The following TMEM185A variants were observed in gnomAD, a reference collection of about 807,000 sequenced individuals.
The protein encoded by TMEM185A is family with sequence similarity 11, member A.
TMEM185A carries 9 observed loss-of-function variants against 25.0 expected under a neutral mutation model. That is an observed-to-expected ratio of 0.36 (90% CI 0.22 to 0.63). TMEM185A has a LOEUF of 0.63. TMEM185A is among the 20% of genes least tolerant of loss of function. The probability of loss-of-function intolerance (pLI) is 0.68; values close to 1 mark genes in which losing one functional copy is unlikely to be tolerated. For missense variants in TMEM185A, 103 were observed against 237.4 expected, an observed-to-expected ratio of 0.43 and a Z score of 3.72; for synonymous variants, 45 against 93.5, an observed-to-expected ratio of 0.48 and a Z score of 2.99.
chrX:149,605,617 A>C (rs1196784838), intron 3 of TMEM185A, among the ~76,000 whole-genome samples: 1 of 111,455 alleles, frequency 9.0e-6, no homozygotes, highest in African/African-American at 3.3e-5. Flanking sequence ...CTCATTTCTC[A>C]AGCCATGAGC....
At chrX:149,603,386 C>T (rs1220792623) in intron 4 of TMEM185A, among the ~76,000 whole-genome samples, 7 of 110,597 alleles carry the variant, frequency 6.3e-5, no homozygotes, top group Non-Finnish European at 1.1e-4. Context: ...CTCGGCCTCC[C>T]AAAGTGCTGG....
At chrX:149,618,110 C>T (rs1461859688) in intron 1 of TMEM185A, among the ~76,000 whole-genome samples, 1 of 111,487 alleles carries the variant, frequency 9.0e-6, no homozygotes, top group African/African-American at 3.3e-5. Flanking sequence ...GAGTATTATA[C>T]TATACCGGCT....
chrX:149,631,680 G>A lies in TMEM185A; in HGVS notation c.-100C>T. On this transcript the variant is annotated 5_prime_UTR_variant, in exon 1 of 7. The change creates a new upstream start codon in the 5' untranslated region. Coordinates refer to ENST00000600449, the MANE Select transcript of TMEM185A (RefSeq NM_032508.4). ...GGTTCATGGCGCCAGCGCCAGCCGC[G>A]TCCACGCTGCTGCTCCCGCTACTGC... 1.1e-6 allele frequency: 1 copy of A among 873,050 alleles called. No individual in the cohort carries two copies. The highest frequency in any genetic ancestry group is 1.5e-6 in the Non-Finnish European group (1 of 646,145). The allele number at this position is 873,050 out of a possible 1,213,427, so 71.9% of individuals were successfully genotyped here.
intron 1 of TMEM185A, among the ~76,000 whole-genome samples, chrX:149,619,948 T>C (rs977838830): frequency 5.5e-4 from 62 of 111,804 alleles, no homozygotes; most frequent in Admixed American, 2.6e-3. Context: ...TTGTGAATAG[T>C]GCCAGTTAGA....
At chrX:149,605,408 C>A (rs2090044128) in intron 3 of TMEM185A, among the ~76,000 whole-genome samples, 1 of 99,541 alleles carries the variant, frequency 1.0e-5, no homozygotes, top group African/African-American at 3.7e-5. Context: ...TATAGCCTCC[C>A]ATGTCACTTT....
At chrX:149,631,392 G>A (rs2090191496) in intron 1 of TMEM185A, 151 bp downstream of exon 1, 2 of 607,435 alleles carry the variant, frequency 3.3e-6, no homozygotes, top group Admixed American at 1.2e-4. Context: ...TGTTTTGCCT[G>A]GGGACCGCTT....
intron 1 of TMEM185A, among the ~76,000 whole-genome samples, chrX:149,625,867 G>A (rs971842761): frequency 2.7e-5 from 3 of 112,048 alleles, no homozygotes; most frequent in African/African-American, 9.7e-5. Flanking sequence ...ATGTATAAGC[G>A]CCACTAACAG....
chrX:149,597,270 T>A lies in TMEM185A; in HGVS notation c.*741A>T, dbSNP rs1294907102. The A allele has an allele frequency of 1.3e-5, 1 of 76,824 alleles. No homozygotes were observed. Among genetic ancestry groups the A allele is most frequent in the Non-Finnish European group, 2.8e-5 (1 of 35,434 alleles). The allele number at this position is 76,824 out of a possible 1,213,427, so 6.3% of individuals were successfully genotyped here. On this transcript the variant is annotated 3_prime_UTR_variant, in exon 7 of 7. Transcript: ENST00000600449. ...GCGTCCACTTCTGCAGCAGAAGGCA[T>A]GTGCCTACAGCACAAGCTTGTAAAA...
intron 3 of TMEM185A, 24 bp downstream of exon 3, chrX:149,608,603 A>G (rs1190310536): frequency 1.7e-6 from 2 of 1,204,931 alleles, no homozygotes; most frequent in South Asian, 1.8e-5. Context: ...AGTGGAAAAC[A>G]TTCTTAAATA....
rs1190927001 is a variant in TMEM185A, at chrX:149,597,171, C to T, written c.*840G>A. The T allele has an allele frequency of 6.0e-5, 6 of 99,949 alleles. No individual in the cohort carries two copies. The highest frequency in any genetic ancestry group is 1.2e-4 in the Non-Finnish European group (6 of 49,668). 8.2% of individuals were successfully genotyped at this position (99,949 alleles called of 1,213,427 possible). A position where few individuals can be genotyped will look rare whatever the true frequency, so the allele number is the denominator to read the frequency against. On this transcript the variant is annotated 3_prime_UTR_variant, in exon 7 of 7. Transcript: ENST00000600449. ...CAGTAGCAGCTACTACGTACCTGCA[C>T]GAGTTCCAGGGCAGAAGTGGCAATG...
In TMEM185A at chrX:149,596,754, G is replaced by A. The variant is rs1231021241; in HGVS notation, c.*1257C>T. On this transcript the variant is annotated 3_prime_UTR_variant, in exon 7 of 7. Transcript: ENST00000600449. The stretch of plus-strand genomic sequence containing the variant: ...TTGAATTAACCCCATGTAGGCCGGC[G>A]AGCAGTTGCCCGCGTGAAAACACCA... 8.8e-6 allele frequency: 1 copy of A among 113,433 alleles called. No individual in the cohort carries two copies. Among genetic ancestry groups the A allele is most frequent in the Non-Finnish European group, 1.9e-5 (1 of 53,386 alleles). 9.3% of individuals were successfully genotyped at this position (113,433 alleles called of 1,213,427 possible). A position where few individuals can be genotyped will look rare whatever the true frequency, so the allele number is the denominator to read the frequency against.
chrX:149,603,250 T>A (rs1382679301), intron 4 of TMEM185A, among the ~76,000 whole-genome samples: 1 of 111,505 alleles, frequency 9.0e-6, no homozygotes, highest in African/African-American at 3.3e-5. Context: ...TTTAGAAGCA[T>A]GACATAGATG....
intron 1 of TMEM185A, among the ~76,000 whole-genome samples, chrX:149,616,657 G>A (rs1388727783): frequency 8.9e-6 from 1 of 112,013 alleles, no homozygotes; most frequent in Non-Finnish European, 1.9e-5. Flanking sequence ...TTCCATGGAA[G>A]TGGGTATCTT....
At chrX:149,617,875 A>T (rs1431844792) in intron 1 of TMEM185A, among the ~76,000 whole-genome samples, 1 of 112,178 alleles carries the variant, frequency 8.9e-6, no homozygotes, top group African/African-American at 3.2e-5. Flanking sequence ...GACAACAACA[A>T]CATTGATGAA....
chrX:149,608,055 G>A (rs781994002), intron 3 of TMEM185A, among the ~76,000 whole-genome samples: 1 of 112,060 alleles, frequency 8.9e-6, no homozygotes, highest in African/African-American at 3.2e-5. Context: ...CCACAGTAAT[G>A]TGAGCCAGTT....
chrX:149,621,787 GTTC>G (rs2090140990), intron 1 of TMEM185A, among the ~76,000 whole-genome samples: 1 of 111,770 alleles, frequency 8.9e-6, no homozygotes, highest in Admixed American at 9.5e-5. Context: ...GGAGAATGCA[GTTC>G]TTCTCATACT....
intron 2 of TMEM185A, among the ~76,000 whole-genome samples, chrX:149,610,756 C>G (rs1213364826): frequency 1.8e-5 from 2 of 111,728 alleles, no homozygotes; most frequent in African/African-American, 6.5e-5. Flanking sequence ...TCCCCTGCCC[C>G]CAAAGGCTCT....
intron 3 of TMEM185A, among the ~76,000 whole-genome samples, 174 bp from the exon 4 acceptor site, chrX:149,604,244 G>A (rs1018748992): frequency 3.3e-4 from 37 of 112,416 alleles, no homozygotes; most frequent in African/African-American, 1.2e-3. Context: ...GCAGTATTAT[G>A]GCAAGGGGAA....
intron 1 of TMEM185A, 150 bp downstream of exon 1, chrX:149,631,393 G>A: frequency 1.6e-6 from 1 of 609,074 alleles, no homozygotes; most frequent in Non-Finnish European, 2.3e-6. Context: ...GTTTTGCCTG[G>A]GGACCGCTTG....
Sources: allele counts gnomAD v4.1 joint callset (sites outside exome capture counted in the v4.1 genomes callset), GRCh38; gene constraint gnomAD v4.1.1; transcripts MANE v1.5; gene names NCBI Gene and HGNC (gene_info 2026-07-23, HGNC 2026-07-21).